Variants in CACNA1C observed in about 807,000 individuals in gnomAD.
CACNA1C encodes calcium voltage-gated channel subunit alpha1 C.
CACNA1C carries 30 observed loss-of-function variants against 229.0 expected under a neutral mutation model. The observed-to-expected ratio is 0.13, with a 90% CI of 0.10 to 0.18. CACNA1C has a LOEUF of 0.18. CACNA1C is among the 10% of genes least tolerant of loss of function. CACNA1C has a pLI of 1.00. For missense variants in CACNA1C, 1,658 were observed against 2,845.0 expected (o/e 0.58, Z 9.49); for synonymous variants, 1,114 against 1,132.5 (o/e 0.98, Z 0.33).
intron 3 of CACNA1C, among the ~76,000 whole-genome samples, chr12:2,239,282 G>A (rs975771818): frequency 3.9e-5 from 6 of 152,082 alleles, no homozygotes; most frequent in Non-Finnish European, 8.8e-5. Context: ...ACTGGTCATC[G>A]GGTACCGTGT....
intron 1 of CACNA1C, among the ~76,000 whole-genome samples, chr12:2,071,676 C>T (rs915450789): frequency 2.0e-5 from 3 of 152,194 alleles, no homozygotes; most frequent in Non-Finnish European, 4.4e-5. Context: ...TCCTCTGCTA[C>T]ACTCTGGATA....
intron 3 of CACNA1C, among the ~76,000 whole-genome samples, chr12:2,272,069 A>G (rs2085291803): frequency 6.6e-6 from 1 of 152,162 alleles, no homozygotes; most frequent in African/African-American, 2.4e-5. Context: ...AGTATCCCCC[A>G]GTGTTCCCCA....
intron 3 of CACNA1C, among the ~76,000 whole-genome samples, chr12:2,228,907 A>G (rs995297543): frequency 6.6e-6 from 1 of 152,174 alleles, no homozygotes. Flanking sequence ...AGTGATTGAG[A>G]TGGAGTATTT....
chr12:2,422,943 G>A (rs1223809152), intron 3 of CACNA1C, among the ~76,000 whole-genome samples: 1 of 152,176 alleles, frequency 6.6e-6, no homozygotes, highest in Non-Finnish European at 1.5e-5. Context: ...TCATCTGAGT[G>A]GGATCGTTTC....
chr12:2,071,335 A>C (rs1390994617), intron 1 of CACNA1C, among the ~76,000 whole-genome samples: 1 of 151,024 alleles, frequency 6.6e-6, no homozygotes, highest in Non-Finnish European at 1.5e-5. Context: ...CTTCCACCTC[A>C]GCCTCCTGAG....
intron 3 of CACNA1C, among the ~76,000 whole-genome samples, chr12:2,412,723 A>C (rs2098822340): frequency 6.6e-6 from 1 of 152,222 alleles, no homozygotes; most frequent in Non-Finnish European, 1.5e-5. Flanking sequence ...AGAGATGCCT[A>C]TACAATGGAT....
In CACNA1C at chr12:2,572,696, TCTCCTCTTCCTC is replaced by T. The variant is rs1327825423; in HGVS notation, c.1895+4927_1895+4938del. On this transcript the variant is annotated intron_variant, in intron 13 of 46. Coordinates refer to ENST00000399655, the MANE Select transcript of CACNA1C (RefSeq NM_000719.7). ...TCCTCCTCCTTCTTCTCTTCCTCCT[TCTCCTCTTCCTC>T]CTCCTCTTCCTCCTCCTCTTCCTCT... is the stretch of plus-strand genomic sequence containing the variant. 7.2e-3 allele frequency among the ~76,000 whole-genome samples: 306 copies of T among 42,306 alleles called. 1 individual carries two copies. Among genetic ancestry groups the T allele is most frequent in the East Asian group, 0.03 (40 of 1,326 alleles). 27.8% of individuals were successfully genotyped at this position (42,306 alleles called of 152,430 possible). A position where few individuals can be genotyped will look rare whatever the true frequency, so the allele number is the denominator to read the frequency against.
chr12:2,564,939 C>A (rs2049524066), intron 11 of CACNA1C, among the ~76,000 whole-genome samples: 1 of 152,162 alleles, frequency 6.6e-6, no homozygotes, highest in East Asian at 1.9e-4. Context: ...AGCATGGCCC[C>A]TGCAGTCTCC....
At chr12:2,184,028 T>C (rs1485686019) in intron 3 of CACNA1C, among the ~76,000 whole-genome samples, 3 of 152,212 alleles carry the variant, frequency 2.0e-5, no homozygotes, top group Non-Finnish European at 4.4e-5. Context: ...TTTGCAATTG[T>C]TCCTAATTGG....
intron 3 of CACNA1C, among the ~76,000 whole-genome samples, chr12:2,186,166 A>G (rs1045850175): frequency 2.0e-5 from 3 of 152,100 alleles, no homozygotes; most frequent in African/African-American, 7.2e-5. Flanking sequence ...CCCAGGACCA[A>G]TTAGCGTGGG....
In CACNA1C at chr12:2,557,118, T is replaced by C. The variant is rs753604712; in HGVS notation, c.1508+141T>C. On this transcript the variant is annotated intron_variant, in intron 11 of 46. Coordinates refer to ENST00000399655, the MANE Select transcript of CACNA1C (RefSeq NM_000719.7). ...TCTAAGGGGGTAACTACTTTCTGTA[T>C]GGCCATCAAGAAAAAGCTTATGGCT... The C allele has an allele frequency of 2.3e-4, 151 of 661,906 alleles. 1 individual carries two copies. The highest frequency in any genetic ancestry group is 1.8e-3 in the Middle Eastern group (6 of 3,326). The allele number at this position is 661,906 out of a possible 1,614,324, so 41.0% of individuals were successfully genotyped here. A position where few individuals can be genotyped will look rare whatever the true frequency, so the allele number is the denominator to read the frequency against.
At chr12:2,586,046 A>C (rs1601170857) in intron 18 of CACNA1C, 142 bp downstream of exon 18, 1 of 534,236 alleles carries the variant, frequency 1.9e-6, no homozygotes, top group African/African-American at 1.9e-5. Flanking sequence ...AGTGTCTTCT[A>C]TCTCTATATT....
At chr12:2,156,817 C>G (rs539254063) in intron 3 of CACNA1C, among the ~76,000 whole-genome samples, 1 of 152,362 alleles carries the variant, frequency 6.6e-6, no homozygotes, top group African/African-American at 2.4e-5. Context: ...CCCCCAGCAG[C>G]AATGCCTTTC....
intron 3 of CACNA1C, among the ~76,000 whole-genome samples, chr12:2,254,941 G>A (rs1301148087): frequency 6.6e-6 from 1 of 152,186 alleles, no homozygotes; most frequent in African/African-American, 2.4e-5. Context: ...GTGAAGAGAG[G>A]CAAAGCTTAG....
intron 3 of CACNA1C, among the ~76,000 whole-genome samples, chr12:2,205,922 A>G (rs115422426): frequency 2.6e-5 from 4 of 152,208 alleles, no homozygotes; most frequent in Non-Finnish European, 4.4e-5. Flanking sequence ...AGTCTCTAAG[A>G]GTGTTAATCT....
At chr12:2,553,116 A>G (rs2042209504) in intron 10 of CACNA1C, among the ~76,000 whole-genome samples, 2 of 152,208 alleles carry the variant, frequency 1.3e-5, no homozygotes, top group Admixed American at 6.5e-5. Flanking sequence ...CCCAGAGTCT[A>G]GTGCCCACCA....
In CACNA1C at chr12:2,001,033, G is replaced by A. The variant is rs570296919; in HGVS notation, c.139+29832G>A. Among the ~76,000 whole-genome samples, 13 of 106,910 alleles carry A rather than the reference G, an allele frequency of 1.2e-4. No homozygotes were observed. In the East Asian group the frequency reaches 3.0e-3, roughly 24 times the overall value. 70.1% of individuals were successfully genotyped at this position (106,910 alleles called of 152,430 possible). A position where few individuals can be genotyped will look rare whatever the true frequency, so the allele number is the denominator to read the frequency against. ...GCCTGGGGAACAAGAGCGAGACTTC[G>A]TCTCAAAAAAAAAAAAAAAAGAGAG... On this transcript the variant is annotated intron_variant, in intron 1 of 46. Transcript: ENST00000682462.
rs2097829149 is a variant in CACNA1C, at chr12:2,695,166, G to T, written c.*3967G>T. The T allele has an allele frequency of 6.6e-6, 1 of 152,256 alleles. No individual in the cohort carries two copies. Among genetic ancestry groups the T allele is most frequent in the South Asian group, 2.1e-4 (1 of 4,834 alleles). 9.4% of individuals were successfully genotyped at this position (152,256 alleles called of 1,614,324 possible). ...TGCCTCTGGGGCAAATGTCAGCACA[G>T]AGAGGACTGGGAGGAGAATGGAGGC... On this transcript the variant is annotated 3_prime_UTR_variant, in exon 47 of 47. Transcript: ENST00000399655.
intron 3 of CACNA1C, among the ~76,000 whole-genome samples, chr12:2,331,115 A>G (rs1230276155): frequency 6.6e-6 from 1 of 152,248 alleles, no homozygotes; most frequent in Non-Finnish European, 1.5e-5. Flanking sequence ...ACAGGTGTGC[A>G]AAGGAGCCGT....
Sources: allele counts gnomAD v4.1 joint callset (sites outside exome capture counted in the v4.1 genomes callset), GRCh38; gene constraint gnomAD v4.1.1; transcripts MANE v1.5; gene names NCBI Gene and HGNC (gene_info 2026-07-23, HGNC 2026-07-21).